RTF1: variants seen among roughly 807,000 people sequenced by gnomAD.
The protein encoded by RTF1 is RNA polymerase-associated protein RTF1 homolog.
RTF1 carries 10 observed loss-of-function variants against 95.7 expected under a neutral mutation model. That is an observed-to-expected ratio of 0.10 (90% CI 0.06 to 0.18). The LOEUF is 0.18. RTF1 is among the 10% of genes least tolerant of loss of function. The probability of loss-of-function intolerance (pLI) is 1.00; values close to 1 mark genes in which losing one functional copy is unlikely to be tolerated. For synonymous variants in RTF1, 305 were observed against 311.8 expected, an observed-to-expected ratio of 0.98 and a Z score of 0.23; for missense variants, 458 against 875.6, an observed-to-expected ratio of 0.52 and a Z score of 6.02.
chr15:41,431,724 C>T (rs912722768), intron 1 of RTF1, among the ~76,000 whole-genome samples: 1 of 152,078 alleles, frequency 6.6e-6, no homozygotes, highest in African/African-American at 2.4e-5. Context: ...GTCTCGAATT[C>T]CTGGGCTCAA....
rs747347779 is a variant in RTF1 at position 41,477,236 on chromosome 15, A to G, written c.1632A>G (p.Glu544=). The G allele has an allele frequency of 9.9e-6, 16 of 1,614,270 alleles. No individual in the cohort carries two copies. The highest frequency in any genetic ancestry group is 1.4e-5 in the Non-Finnish European group (16 of 1,180,044). ...QIQDQLNELE[E]RAEALDRQRT... ...AAGATCAACTGAATGAGCTGGAGGAACGGGCAGAGGCCCTGGACCGCCAGC... is the reference window on the plus strand; with the variant it reads ...AAGATCAACTGAATGAGCTGGAGGAGCGGGCAGAGGCCCTGGACCGCCAGC... Residue 544 remains glutamate (E), a synonymous_variant, in exon 13 of 18, where the codon GAA becomes GAG. Transcript: ENST00000389629.
At chr15:41,472,802 C>T (rs1230633906) in intron 8 of RTF1, among the ~76,000 whole-genome samples, 2 of 151,502 alleles carry the variant, frequency 1.3e-5, no homozygotes, top group African/African-American at 2.4e-5. Flanking sequence ...CCCAGGTTCA[C>T]GCCATTCTCC....
chr15:41,426,822 T>C (rs1236499135), intron 1 of RTF1, among the ~76,000 whole-genome samples: 2 of 139,218 alleles, frequency 1.4e-5, no homozygotes, highest in African/African-American at 5.4e-5. Flanking sequence ...TGTGTGTGTG[T>C]GTGTAATTTT....
At chr15:41,424,767 T>A (rs2050620107) in intron 1 of RTF1, among the ~76,000 whole-genome samples, 1 of 152,120 alleles carries the variant, frequency 6.6e-6, no homozygotes, top group African/African-American at 2.4e-5. Context: ...TCCCAGCACT[T>A]TGGGAGGCCG....
intron 4 of RTF1, 35 bp downstream of exon 4, chr15:41,457,911 CCCA>C (rs2050827425): frequency 6.4e-7 from 1 of 1,552,008 alleles, no homozygotes; most frequent in African/African-American, 1.4e-5. Context: ...CCCCCCCGCC[CCCA>C]CCTTTTCTGT....
intron 1 of RTF1, among the ~76,000 whole-genome samples, chr15:41,428,750 T>C (rs1222122885): frequency 6.6e-6 from 1 of 151,582 alleles, no homozygotes; most frequent in Non-Finnish European, 1.5e-5. Context: ...TTTATTTATT[T>C]ATTTTGAGAC....
rs1032784796 is a variant in RTF1 at position 41,466,206 on chromosome 15, C to G, written c.843C>G (p.Ala281=). 17 of 1,593,438 alleles carry G rather than the reference C, an allele frequency of 1.1e-5. No homozygotes were observed. Among genetic ancestry groups the G allele is most frequent in the Non-Finnish European group, 1.5e-5 (17 of 1,171,066 alleles). Residue 281 remains alanine (A), a synonymous_variant, in exon 6 of 18, where the codon GCC becomes GCG. Coordinates refer to ENST00000389629, the MANE Select transcript of RTF1 (RefSeq NM_015138.5). ...AGAAACTAGACAAGAAATCTCAAGC[C>G]ATGGAGGAGCTAAAAGCAGAGCGAG... ...RDEKLDKKSQ[A]MEELKAEREK...
intron 2 of RTF1, among the ~76,000 whole-genome samples, chr15:41,445,752 TG>T (rs1318948626): frequency 4.6e-5 from 7 of 151,480 alleles, no homozygotes; most frequent in East Asian, 1.9e-4. Context: ...TTTTTTTTTT[TG>T]GAAACAGAGT....
rs372360810 is a variant in RTF1 at position 41,425,136 on chromosome 15, T to G, written c.198+7823T>G. On this transcript the variant is annotated intron_variant, in intron 1 of 17. Transcript: ENST00000389629. ...TTTTATTTTTGAGACGGAGTCTCGC[T>G]CTTTTGCCCAGGCCGGACTGCAGTG... Among the ~76,000 whole-genome samples, 376 of 152,230 alleles carry G rather than the reference T, an allele frequency of 2.5e-3. 1 individual carries two copies. The highest frequency in any genetic ancestry group is 8.6e-3 in the African/African-American group (357 of 41,588).
chr15:41,462,629 A>G (rs1056329915), intron 4 of RTF1, among the ~76,000 whole-genome samples: 2 of 152,206 alleles, frequency 1.3e-5, no homozygotes, highest in African/African-American at 4.8e-5. Flanking sequence ...AGAGTTGTGC[A>G]ATCATCACCA....
At chr15:41,441,688 C>T (rs908521452) in intron 2 of RTF1, among the ~76,000 whole-genome samples, 2 of 152,116 alleles carry the variant, frequency 1.3e-5, no homozygotes, top group Admixed American at 6.6e-5. Flanking sequence ...GATTTGTGCA[C>T]GTATTGGAGA....
intron 2 of RTF1, among the ~76,000 whole-genome samples, chr15:41,440,005 C>T (rs1363958195): frequency 1.3e-5 from 2 of 151,946 alleles, no homozygotes; most frequent in Admixed American, 6.6e-5. Flanking sequence ...GCAGAGAAGC[C>T]GGATATCACC....
Position 41,480,286 on chromosome 15 carries a change from G to A in RTF1, c.1987G>A (p.Asp663Asn), listed in dbSNP as rs2050965320. The A allele has an allele frequency of 1.2e-6, 2 of 1,613,634 alleles. No homozygotes were observed. Among genetic ancestry groups the A allele is most frequent in the Non-Finnish European group, 1.7e-6 (2 of 1,179,580 alleles). The change falls in exon 17 of 18, where the codon GAT becomes AAT. Residue 663 changes from aspartate (D) to asparagine (N), a missense_variant. By Grantham distance (23) the Asp-to-Asn change is conservative (BLOSUM62 1). Around this residue, in one of 11 missense-constraint regions of RTF1, gnomAD observed 50 missense variants for 100.0 expected, o/e 0.50. Coordinates refer to ENST00000389629, the MANE Select transcript of RTF1 (RefSeq NM_015138.5). ...CTCAGAAGATCTGTTCAAAGTACAC[G>A]ATTTTGATGTGAAGATTGACTTACA... is the stretch of plus-strand genomic sequence containing the variant. ...DLSEDLFKVHDFDVKIDLQVP... is the reference protein window; with the variant it reads ...DLSEDLFKVHNFDVKIDLQVP...
In RTF1 at chr15:41,421,620, G is replaced by A. The variant is rs2050602069; in HGVS notation, c.198+4307G>A. Reference sequence around the variant, plus strand: ...CTCTTCAGCCCAGGTAACAGAGTGAGACCCTGTCCCAAAGAAAAAAAAAAA... The same window carrying A: ...CTCTTCAGCCCAGGTAACAGAGTGAAACCCTGTCCCAAAGAAAAAAAAAAA... On this transcript the variant is annotated intron_variant, in intron 1 of 17. Transcript: ENST00000389629. Among the ~76,000 whole-genome samples, 3 of 146,968 alleles carry A rather than the reference G, an allele frequency of 2.0e-5. No individual in the cohort carries two copies. In the East Asian group the frequency reaches 6.0e-4, roughly 29 times the overall value.
chr15:41,457,779 G>A lies in RTF1; in HGVS notation c.565G>A (p.Asp189Asn). The change falls in exon 4 of 18, where the codon GAT becomes AAT. Residue 189 changes from aspartate (D) to asparagine (N), a missense_variant. By Grantham distance (23) the Asp-to-Asn change is conservative. Coordinates refer to ENST00000389629, the MANE Select transcript of RTF1 (RefSeq NM_015138.5). ...TGGCTATGGAGAAGACCTCATGGGA[G>A]ATGAGGAAGACAGGGCCCGTCTGGA... is the stretch of plus-strand genomic sequence containing the variant. ...HDGYGEDLMG[D>N]EEDRARLEQM... is the part of the protein sequence containing the mutation. 1 of 1,613,392 alleles carries A rather than the reference G, an allele frequency of 6.2e-7. No individual in the cohort carries two copies. Among genetic ancestry groups the A allele is most frequent in the Non-Finnish European group, 8.5e-7 (1 of 1,179,324 alleles).
At chr15:41,436,389 C>T (rs906289556) in intron 1 of RTF1, among the ~76,000 whole-genome samples, 4 of 147,172 alleles carry the variant, frequency 2.7e-5, no homozygotes, top group African/African-American at 1.0e-4. Context: ...CCCGGGAGGC[C>T]GATCTTGCAG....
At chr15:41,432,498 A>G (rs1031239963) in intron 1 of RTF1, among the ~76,000 whole-genome samples, 1 of 151,586 alleles carries the variant, frequency 6.6e-6, no homozygotes, top group Non-Finnish European at 1.5e-5. Flanking sequence ...CGCCCGGCCT[A>G]GGTTTTCAGT....
At chr15:41,470,657 T>C (rs1482366827) in intron 7 of RTF1, among the ~76,000 whole-genome samples, 1 of 129,958 alleles carries the variant, frequency 7.7e-6, no homozygotes, top group Non-Finnish European at 1.6e-5. Flanking sequence ...TTTCTTTTTT[T>C]TTTTTTTTTT....
intron 2 of RTF1, among the ~76,000 whole-genome samples, chr15:41,448,331 G>T (rs931762837): frequency 6.6e-6 from 1 of 151,986 alleles, no homozygotes; most frequent in Non-Finnish European, 1.5e-5. Flanking sequence ...TTATCATTGA[G>T]TGGTGGCTAT....
Sources: gnomAD v4.1 joint callset for allele counts (sites outside exome capture counted in the v4.1 genomes callset) on GRCh38, gnomAD v4.1.1 for gene constraint, gnomAD v4.1.1 regional missense constraint, MANE v1.5 for transcripts, NCBI Gene and HGNC (gene_info 2026-07-23, HGNC 2026-07-21) for gene names.